ANK3: variants seen among roughly 807,000 people sequenced by gnomAD.
ANK3 encodes the protein ankyrin-3.
A neutral mutation model predicts 370.9 loss-of-function variants in ANK3; 57 were observed. The ratio of observed to expected loss-of-function variants is 0.15; its 90% confidence interval spans 0.12 to 0.19. The LOEUF (loss-of-function observed/expected upper bound fraction) is 0.19. Among genes scored for constraint, ANK3 ranks in the 10% least tolerant of loss-of-function variants. ANK3 has a pLI of 1.00. For missense variants in ANK3, 4,439 were observed against 5,302.1 expected, an observed-to-expected ratio of 0.84 and a Z score of 5.06; for synonymous variants, 1,929 against 1,946.3, an observed-to-expected ratio of 0.99 and a Z score of 0.23.
intron 23 of ANK3, among the ~76,000 whole-genome samples, chr10:60,165,239 G>A (rs192312109): frequency 1.3e-5 from 2 of 152,238 alleles, no homozygotes; most frequent in Admixed American, 1.3e-4. Context: ...ATCTATGTAA[G>A]AATATCATTT....
chr10:60,647,871 CAG>C (rs1183565208), intron 1 of ANK3, among the ~76,000 whole-genome samples: 1 of 144,936 alleles, frequency 6.9e-6, no homozygotes, highest in Non-Finnish European at 1.5e-5. Flanking sequence ...TTTTTTGAGA[CAG>C]AGTCTCACTC....
chr10:60,462,589 T>TA (rs2064912737), intron 2 of ANK3, among the ~76,000 whole-genome samples: 1 of 151,994 alleles, frequency 6.6e-6, no homozygotes. Flanking sequence ...TTTAGCTTTT[T>TA]TTTTTTTTTT....
At chr10:60,171,311 T>C (rs892898635) in intron 21 of ANK3, among the ~76,000 whole-genome samples, 3 of 152,248 alleles carry the variant, frequency 2.0e-5, no homozygotes, top group Admixed American at 6.5e-5. Flanking sequence ...GCTTGTTTTT[T>C]AGTTTCTAAA....
chr10:60,270,018 A>G, intron 5 of ANK3, 113 bp downstream of exon 5: 1 of 550,968 alleles, frequency 1.8e-6, no homozygotes, highest in Non-Finnish European at 3.1e-6. Context: ...ATGAACCCAC[A>G]CATTAATATA....
chr10:60,053,196 CAG>C (rs1374685233), intron 42 of ANK3, among the ~76,000 whole-genome samples: 42 of 152,184 alleles, frequency 2.8e-4, no homozygotes, highest in African/African-American at 1.0e-3. Context: ...CTCAAGAAGT[CAG>C]AAAGAGGTAA....
At chr10:60,279,844 T>C (rs1285913480) in intron 1 of ANK3, among the ~76,000 whole-genome samples, 1 of 152,232 alleles carries the variant, frequency 6.6e-6, no homozygotes, top group Non-Finnish European at 1.5e-5. Flanking sequence ...ATCCCTTGTG[T>C]GATGTCAGAA....
At chr10:60,488,137 G>A (rs2075398085) in intron 2 of ANK3, among the ~76,000 whole-genome samples, 1 of 152,178 alleles carries the variant, frequency 6.6e-6, no homozygotes, top group African/African-American at 2.4e-5. Context: ...GGGTAGAGAA[G>A]CAGAAACAAA....
chr10:60,404,337 A>G lies in ANK3; in HGVS notation c.97-124698T>C, dbSNP rs2063410599. On this transcript the variant is annotated intron_variant, in intron 2 of 43. Transcript: ENST00000373827. The stretch of plus-strand genomic sequence containing the variant: ...TGAAAGAGTGACACTACCTGAATTT[A>G]AAATTCACTATTACAGAAAGACACA... Among the ~76,000 whole-genome samples, 3 of 152,200 alleles carry G rather than the reference A, an allele frequency of 2.0e-5. No homozygotes were observed. The South Asian group carries it at 6.2e-4, about 31-fold the overall frequency.
At chr10:60,151,566 G>C (rs143798976) in intron 23 of ANK3, among the ~76,000 whole-genome samples, 18 of 150,718 alleles carry the variant, frequency 1.2e-4, no homozygotes, top group Middle Eastern at 3.4e-3. Flanking sequence ...GGATGGGCAA[G>C]GACAGATACA....
chr10:60,115,429 A>G (rs1030915096), intron 25 of ANK3, among the ~76,000 whole-genome samples: 1 of 152,214 alleles, frequency 6.6e-6, no homozygotes, highest in African/African-American at 2.4e-5. Flanking sequence ...ATTGCCAAGC[A>G]TGGTCAGAGT....
intron 1 of ANK3, among the ~76,000 whole-genome samples, chr10:60,370,465 TA>T (rs2059962021): frequency 6.6e-6 from 1 of 152,050 alleles, no homozygotes; most frequent in Non-Finnish European, 1.5e-5. Context: ...AAAAAATATA[TA>T]AAAATCACTA....
At chr10:60,693,979 G>A (rs1192872767) in intron 1 of ANK3, among the ~76,000 whole-genome samples, 1 of 151,806 alleles carries the variant, frequency 6.6e-6, no homozygotes, top group Admixed American at 6.6e-5. Flanking sequence ...CAAACCAAAG[G>A]CAAAGAAGTT....
intron 1 of ANK3, among the ~76,000 whole-genome samples, chr10:60,377,156 G>A (rs1396445524): frequency 6.6e-6 from 1 of 152,208 alleles, no homozygotes; most frequent in African/African-American, 2.4e-5. Context: ...CCACTGAACA[G>A]AGGGACAGCA....
At chr10:60,263,814 C>T in intron 6 of ANK3, 21 bp downstream of exon 6, 2 of 1,612,758 alleles carry the variant, frequency 1.2e-6, no homozygotes, top group Non-Finnish European at 8.5e-7. Context: ...GCATGACAGG[C>T]CCGTGTCCCT....
At chr10:60,057,191 T>G (rs997178864) in intron 41 of ANK3, among the ~76,000 whole-genome samples, 1 of 152,196 alleles carries the variant, frequency 6.6e-6, no homozygotes, top group South Asian at 2.1e-4. Context: ...CACTAGTGAT[T>G]TGAGGGTTGC....
At chr10:60,524,571 C>A (rs993464137) in intron 2 of ANK3, among the ~76,000 whole-genome samples, 10 of 152,096 alleles carry the variant, frequency 6.6e-5, no homozygotes, top group African/African-American at 2.4e-4. Flanking sequence ...ATGTGACTTG[C>A]TCCTCCATGC....
intron 2 of ANK3, among the ~76,000 whole-genome samples, chr10:60,530,674 A>T (rs1437413539): frequency 6.6e-6 from 1 of 152,066 alleles, no homozygotes; most frequent in Non-Finnish European, 1.5e-5. Context: ...GGCCTTGGGC[A>T]CCCCTAACCT....
chr10:60,361,361 A>G (rs746480363), intron 1 of ANK3, among the ~76,000 whole-genome samples: 3 of 152,240 alleles, frequency 2.0e-5, no homozygotes, highest in Non-Finnish European at 4.4e-5. Flanking sequence ...TAACAGTAAT[A>G]GTCCTTTGAT....
chr10:60,602,359 C>A (rs777156368), intron 2 of ANK3, among the ~76,000 whole-genome samples: 4 of 152,064 alleles, frequency 2.6e-5, no homozygotes, highest in Non-Finnish European at 5.9e-5. Context: ...CATTTGGCAT[C>A]TTCTGTAAAA....
Sources: gnomAD v4.1 joint callset for allele counts (sites outside exome capture counted in the v4.1 genomes callset) on GRCh38, gnomAD v4.1.1 for gene constraint, MANE v1.5 for transcripts, NCBI Gene and HGNC (gene_info 2026-07-23, HGNC 2026-07-21) for gene names.